The following CNBD1 variants were observed in gnomAD, a reference collection of about 807,000 sequenced individuals.
CNBD1 encodes the protein cyclic nucleotide binding domain containing 1.
CNBD1 carries 71 observed loss-of-function variants against 54.4 expected under a neutral mutation model. The observed-to-expected ratio is 1.30, with a 90% CI of 1.08 to 1.59. CNBD1 has a LOEUF of 1.59. Among genes scored for constraint, CNBD1 ranks in the 40% most tolerant of loss-of-function variants. CNBD1 has a pLI of 0.00. For missense variants in CNBD1, 659 were observed against 518.0 expected (o/e 1.27, Z -2.64); for synonymous variants, 182 against 170.7 (o/e 1.07, Z -0.51).
At chr8:86,968,729 G>T (rs1442403758) in intron 4 of CNBD1, among the ~76,000 whole-genome samples, 2 of 152,190 alleles carry the variant, frequency 1.3e-5, no homozygotes, top group East Asian at 3.9e-4. Context: ...CAGTTTTCCT[G>T]TGAGAGGGTG....
intron 10 of CNBD1, among the ~76,000 whole-genome samples, chr8:87,356,537 G>A (rs1249589507): frequency 2.6e-5 from 4 of 152,132 alleles, no homozygotes; most frequent in Non-Finnish European, 5.9e-5. Flanking sequence ...AGGGTATCTG[G>A]TGGAAGAAAT....
At chr8:87,374,928 T>C (rs544336818) in intron 10 of CNBD1, among the ~76,000 whole-genome samples, 13 of 152,040 alleles carry the variant, frequency 8.6e-5, no homozygotes, top group Non-Finnish European at 1.5e-4. Context: ...AGTGCTACAC[T>C]GAGTCATACA....
rs551307861 is a variant in CNBD1 at position 87,107,329 on chromosome 8, C to G, written c.432-98664C>G. ...CAACTTTCCACTTGCTCCGTAGGTT[C>G]TAGTAACGTTAACCTTTGTTCATTT... is the stretch of plus-strand genomic sequence containing the variant. On this transcript the variant is annotated intron_variant, in intron 4 of 10. Transcript: ENST00000518476. Among the ~76,000 whole-genome samples the G allele has an allele frequency of 9.2e-5, 14 of 152,280 alleles. No homozygotes were observed. The South Asian group carries it at 2.9e-3, about 32-fold the overall frequency.
chr8:86,878,136 G>A (rs1586105777), intron 1 of CNBD1, among the ~76,000 whole-genome samples: 1 of 151,254 alleles, frequency 6.6e-6, no homozygotes, highest in Non-Finnish European at 1.5e-5. Context: ...GAGAGACGGA[G>A]AAGCACAGAT....
intron 4 of CNBD1, among the ~76,000 whole-genome samples, chr8:87,078,965 A>G (rs1810930907): frequency 6.6e-6 from 1 of 152,164 alleles, no homozygotes; most frequent in Admixed American, 6.5e-5. Context: ...AATATTAGAC[A>G]AAACTGTGTT....
intron 6 of CNBD1, among the ~76,000 whole-genome samples, chr8:87,269,674 G>A (rs1025464158): frequency 1.3e-5 from 2 of 151,908 alleles, no homozygotes; most frequent in Admixed American, 6.6e-5. Flanking sequence ...TTACTCCTTT[G>A]TGGCTATTGT....
At chr8:87,077,192 G>C (rs1810889874) in intron 4 of CNBD1, among the ~76,000 whole-genome samples, 1 of 152,172 alleles carries the variant, frequency 6.6e-6, no homozygotes, top group African/African-American at 2.4e-5. Context: ...GCCTTAATCA[G>C]TTTGGGCTGC....
rs116296637 is a variant in CNBD1, at chr8:87,141,139, T to C, written c.432-64854T>C. ...TTGGATTTTGTAGAATCAATTTACT[T>C]AGTAGAAATACCCTTAGTTTGTAAA... On this transcript the variant is annotated intron_variant, in intron 4 of 10. Transcript: ENST00000518476. 2.8e-3 allele frequency among the ~76,000 whole-genome samples: 432 copies of C among 152,274 alleles called. 4 individuals are homozygous for C. Among genetic ancestry groups the C allele is most frequent in the African/African-American group, 9.7e-3 (404 of 41,558 alleles).
chr8:87,322,079 T>A (rs1319756038), intron 8 of CNBD1, among the ~76,000 whole-genome samples: 1 of 130,518 alleles, frequency 7.7e-6, no homozygotes, highest in Non-Finnish European at 1.6e-5. Flanking sequence ...TTGCGATAGT[T>A]TACTGAGAAT....
intron 4 of CNBD1, among the ~76,000 whole-genome samples, chr8:86,982,899 TC>T (rs1189188099): frequency 6.6e-6 from 1 of 152,346 alleles, no homozygotes. Context: ...ACAAAGCTAA[TC>T]CATTAGCATA....
intron 10 of CNBD1, among the ~76,000 whole-genome samples, chr8:87,367,090 A>G (rs577931571): frequency 6.6e-6 from 1 of 152,040 alleles, no homozygotes; most frequent in South Asian, 2.1e-4. Flanking sequence ...TACCATTGGG[A>G]CTTTATCCTG....
At chr8:87,063,360 C>A (rs972117883) in intron 4 of CNBD1, among the ~76,000 whole-genome samples, 1 of 152,030 alleles carries the variant, frequency 6.6e-6, no homozygotes, top group African/African-American at 2.4e-5. Context: ...TATCCAATTG[C>A]CCCAGCACCA....
chr8:86,883,987 T>C (rs1488431872), intron 1 of CNBD1, among the ~76,000 whole-genome samples: 4 of 151,648 alleles, frequency 2.6e-5, no homozygotes, highest in Non-Finnish European at 4.4e-5. Flanking sequence ...CCGTCTCTAC[T>C]AAAAAATACA....
At position 87,237,104 on chromosome 8, in the gene CNBD1, G is replaced by A. The variant is rs1488549609; in HGVS notation, c.763G>A (p.Asp255Asn). The change falls in exon 6 of 11, where the codon GAC becomes AAC. Residue 255 changes from aspartate to asparagine, a missense_variant. Coordinates refer to ENST00000518476, the MANE Select transcript of CNBD1 (RefSeq NM_173538.3). The stretch of plus-strand genomic sequence containing the variant: ...TGCTGAGATGTACCTACCTTCATAT[G>A]ACTCAATGGTAAGAGATGAGTATTT... Reference protein sequence around the residue: ...TLAEMYLPSYDSMLSKWSTFG... With the variant: ...TLAEMYLPSYNSMLSKWSTFG... 1.3e-6 allele frequency: 2 copies of A among 1,597,898 alleles called. No homozygotes were observed.
Position 87,390,164 on chromosome 8 carries a change from A to T in CNBD1, c.213+36378A>T, listed in dbSNP as rs542836883. Among the ~76,000 whole-genome samples, 572 of 152,138 alleles carry T rather than the reference A, an allele frequency of 3.8e-3. 6 individuals are homozygous for T. Among genetic ancestry groups the T allele is most frequent in the African/African-American group, 0.013 (530 of 41,440 alleles). On this transcript the variant is annotated intron_variant, in intron 2 of 7. Transcript: ENST00000521593. ...AAAACCCTAGGAGAAAACCTAGGCA[A>T]TACCATTCAGGACATAGGCATGGGC...
intron 2 of CNBD1, among the ~76,000 whole-genome samples, chr8:86,892,400 A>G (rs1205995825): frequency 6.6e-6 from 1 of 152,148 alleles, no homozygotes; most frequent in Non-Finnish European, 1.5e-5. Flanking sequence ...ACAATATGAT[A>G]GAATCATAGA....
intron 1 of CNBD1, among the ~76,000 whole-genome samples, chr8:86,867,343 T>G (rs2131759203): frequency 6.6e-6 from 1 of 152,304 alleles, no homozygotes; most frequent in East Asian, 1.9e-4. Flanking sequence ...CTTTTCAACT[T>G]CAATAAAGCA....
intron 4 of CNBD1, among the ~76,000 whole-genome samples, chr8:87,171,087 A>T (rs1170506571): frequency 6.6e-6 from 1 of 152,088 alleles, no homozygotes; most frequent in East Asian, 1.9e-4. Flanking sequence ...TTTGAGTAGG[A>T]TTGGTATTAG....
At chr8:87,282,756 G>T (rs896608341) in intron 6 of CNBD1, among the ~76,000 whole-genome samples, 3 of 151,792 alleles carry the variant, frequency 2.0e-5, no homozygotes, top group Middle Eastern at 3.4e-3. Flanking sequence ...TGGCTTATTA[G>T]GTAATTCCAA....
Sources: gnomAD v4.1 joint callset for allele counts (sites outside exome capture counted in the v4.1 genomes callset) on GRCh38, gnomAD v4.1.1 for gene constraint, MANE v1.5 for transcripts, NCBI Gene and HGNC (gene_info 2026-07-23, HGNC 2026-07-21) for gene names.